KIF1B: variants seen among roughly 807,000 people sequenced by gnomAD.
KIF1B encodes kinesin-like protein KIF1B.
In KIF1B, 76 loss-of-function variants were observed where a neutral mutation model predicts 241.9. That is an observed-to-expected ratio of 0.31 (90% CI 0.26 to 0.38). KIF1B has a LOEUF of 0.38. Among genes scored for constraint, KIF1B ranks in the 10% least tolerant of loss-of-function variants. KIF1B has a pLI of 1.00. For synonymous variants in KIF1B, 750 were observed against 796.7 expected (o/e 0.94, Z 0.99); for missense variants, 1,622 against 2,271.4 (o/e 0.71, Z 5.81).
chr1:10,379,694 G>A lies in KIF1B; in HGVS notation c.*3107G>A, dbSNP rs1019184745. The A allele has an allele frequency of 4.3e-6, 1 of 231,244 alleles. No individual in the cohort carries two copies. The highest frequency in any genetic ancestry group is 8.6e-6 in the Non-Finnish European group (1 of 116,798). The allele number at this position is 231,244 out of a possible 1,614,324, so 14.3% of individuals were successfully genotyped here. On this transcript the variant is annotated 3_prime_UTR_variant, in exon 49 of 49. Transcript: ENST00000676179. ...GGCAAATTCAGAGAAATAAGTGCTAGTTAATACTAATCACCTCCTCCTCTG... is the reference window on the plus strand; with the variant it reads ...GGCAAATTCAGAGAAATAAGTGCTAATTAATACTAATCACCTCCTCCTCTG...
chr1:10,278,017 A>G lies in KIF1B; in HGVS notation c.1069A>G (p.Asn357Asp), dbSNP rs770156899. ...AGATCGTGCAAAACAAATTAAATGC[A>G]ATGCTGTTATCAATGAGGACCCCAA... ...YADRAKQIKC[N>D]AVINEDPNAK... Residue 357 changes from asparagine (N) to aspartate (D), a missense_variant, in exon 13 of 49, where the codon AAT (asparagine) becomes GAT (aspartate). By Grantham distance (23) the Asn-to-Asp change is conservative (BLOSUM62 1). This residue lies in a region of KIF1B where 201 missense variants were observed against 301.2 expected (regional missense o/e 0.67). Coordinates refer to ENST00000676179, the MANE Select transcript of KIF1B (RefSeq NM_001365951.3). The G allele has an allele frequency of 5.0e-6, 8 of 1,614,066 alleles. No homozygotes were observed. The highest frequency in any genetic ancestry group is 6.8e-6 in the Non-Finnish European group (8 of 1,179,942).
chr1:10,354,813 A>G (rs1393529205), intron 38 of KIF1B, among the ~76,000 whole-genome samples: 3 of 152,244 alleles, frequency 2.0e-5, no homozygotes, highest in African/African-American at 7.2e-5. Flanking sequence ...TTTTAGGGAT[A>G]TGGAAAACAT....
rs772560720 is a variant in KIF1B at position 10,326,002 on chromosome 1, T to A, written c.2676-109T>A. The A allele has an allele frequency of 2.1e-6, 3 of 1,405,444 alleles. No homozygotes were observed. The highest frequency in any genetic ancestry group is 2.0e-6 in the Non-Finnish European group (2 of 999,820). The allele number at this position is 1,405,444 out of a possible 1,614,324, so 87.1% of individuals were successfully genotyped here. On this transcript the variant is annotated intron_variant, in intron 26 of 48. Transcript: ENST00000676179. The surrounding 1 kb of genome is among the most constrained non-coding windows in gnomAD (Gnocchi z 5.2). ...CTTTTGCTTTTCCATTTGCTTTTATTGTGTTGATTCCCCAGTGGATTCTGT... is the reference window on the plus strand; with the variant it reads ...CTTTTGCTTTTCCATTTGCTTTTATAGTGTTGATTCCCCAGTGGATTCTGT...
chr1:10,216,354 G>A (rs577163450), intron 1 of KIF1B, among the ~76,000 whole-genome samples: 65 of 152,282 alleles, frequency 4.3e-4, no homozygotes, highest in African/African-American at 1.5e-3. Flanking sequence ...ATCACTTTAT[G>A]TGTGTTCTCC....
intron 15 of KIF1B, among the ~76,000 whole-genome samples, chr1:10,288,717 T>A (rs1435149203): frequency 3.3e-5 from 5 of 152,338 alleles, no homozygotes; most frequent in South Asian, 4.1e-4. Context: ...CTCTTTTTTT[T>A]AAATTTTATT....
At chr1:10,248,653 G>C (rs1290309502) in intron 2 of KIF1B, among the ~76,000 whole-genome samples, 1 of 152,204 alleles carries the variant, frequency 6.6e-6, no homozygotes, top group Non-Finnish European at 1.5e-5. Flanking sequence ...CAAACATGCT[G>C]CCGTGGTTGA....
At chr1:10,216,834 CT>C (rs1646772994) in intron 1 of KIF1B, among the ~76,000 whole-genome samples, 1 of 151,986 alleles carries the variant, frequency 6.6e-6, no homozygotes, top group Non-Finnish European at 1.5e-5. Context: ...TTCTTCTGTT[CT>C]TTCCCCCAGT....
intron 1 of KIF1B, among the ~76,000 whole-genome samples, chr1:10,215,159 TATATA>T (rs1646748006): frequency 1.0e-4 from 7 of 70,308 alleles, no homozygotes; most frequent in African/African-American, 2.7e-4. Flanking sequence ...TATATATATA[TATATA>T]TATATATATT....
At chr1:10,328,541 G>C (rs75543626) in intron 27 of KIF1B, among the ~76,000 whole-genome samples, 2,499 of 152,298 alleles carry the variant, frequency 0.016, 59 homozygotes, top group African/African-American at 0.056. Context: ...ACAAATAATG[G>C]GACAATAATG....
chr1:10,251,310 C>T (rs189914284), intron 2 of KIF1B, among the ~76,000 whole-genome samples: 1 of 148,802 alleles, frequency 6.7e-6, no homozygotes, highest in Non-Finnish European at 1.5e-5. Flanking sequence ...GAAGTTAACT[C>T]ATTGGTGTAG....
At chr1:10,308,795 AT>A (rs1324878816) in intron 22 of KIF1B, among the ~76,000 whole-genome samples, 1 of 152,254 alleles carries the variant, frequency 6.6e-6, no homozygotes, top group East Asian at 1.9e-4. Context: ...ACAAAATTCT[AT>A]CTTAAGTGAG....
chr1:10,236,240 C>G (rs1647049699), intron 2 of KIF1B, among the ~76,000 whole-genome samples: 1 of 151,926 alleles, frequency 6.6e-6, no homozygotes, highest in South Asian at 2.1e-4. Flanking sequence ...CCACTGCACT[C>G]CAGCCTGAGT....
chr1:10,258,920 C>A (rs148170579), intron 4 of KIF1B, among the ~76,000 whole-genome samples: 17 of 152,216 alleles, frequency 1.1e-4, no homozygotes, highest in African/African-American at 4.1e-4. Flanking sequence ...ATATCCAATG[C>A]CATATTATTT....
chr1:10,337,030 T>C lies in KIF1B; in HGVS notation c.3130-44T>C. ...GTAAGGCAACTGGGGAAAAATACGT[T>C]TTTATACTACTTTACCATGTATCTG... is the stretch of plus-strand genomic sequence containing the variant. On this transcript the variant is annotated intron_variant, in intron 29 of 48. Transcript: ENST00000676179. This position sits in a 1 kb window ranked among gnomAD's most constrained non-coding sequence, Gnocchi z 4.0. The C allele has an allele frequency of 1.2e-6, 2 of 1,613,598 alleles. No homozygotes were observed. Among genetic ancestry groups the C allele is most frequent in the Non-Finnish European group, 8.5e-7 (1 of 1,179,804 alleles).
intron 38 of KIF1B, among the ~76,000 whole-genome samples, chr1:10,354,119 C>T (rs1287855033): frequency 6.6e-6 from 1 of 152,102 alleles, no homozygotes; most frequent in Non-Finnish European, 1.5e-5. Flanking sequence ...TCAGGTGCTA[C>T]AAGAAATGAA....
chr1:10,264,248 G>C (rs1008666687), intron 5 of KIF1B, among the ~76,000 whole-genome samples: 23 of 152,126 alleles, frequency 1.5e-4, no homozygotes, highest in African/African-American at 5.6e-4. Flanking sequence ...AGCTCACTGG[G>C]GCAGGGTTCT....
Position 10,321,693 on chromosome 1 carries a change from T to A in KIF1B, c.2210-16T>A, listed in dbSNP as rs1160526245. The stretch of plus-strand genomic sequence containing the variant: ...TTGTAAGATTGCCATTAAATATGCA[T>A]CATTCATTCTTTCAGTTCCTTGGAC... On this transcript the variant is annotated splice_polypyrimidine_tract_variant and intron_variant, in intron 23 of 48. Coordinates refer to ENST00000676179, the MANE Select transcript of KIF1B (RefSeq NM_001365951.3). The A allele has an allele frequency of 1.9e-6, 3 of 1,612,972 alleles. No homozygotes were observed. The highest frequency in any genetic ancestry group is 2.5e-6 in the Non-Finnish European group (3 of 1,179,034).
chr1:10,313,596 G>GCCGGA (rs1202390097), intron 22 of KIF1B, among the ~76,000 whole-genome samples: 1 of 141,650 alleles, frequency 7.1e-6, no homozygotes, highest in Non-Finnish European at 1.5e-5. Context: ...TGTCGCCCAG[G>GCCGGA]CTGGAGTGCA....
chr1:10,324,029 G>A lies in KIF1B; in HGVS notation c.2504G>A (p.Gly835Glu), dbSNP rs2102299042. Residue 835 changes from glycine to glutamate, a missense_variant, in exon 25 of 49, where the codon GGA becomes GAA. Physicochemically the swap from Gly to Glu is moderately conservative, Grantham distance 98 (BLOSUM62 -2). Coordinates refer to ENST00000676179, the MANE Select transcript of KIF1B (RefSeq NM_001365951.3). ...VAVEVQDLKN[G>E]ATHYWSLEKL... The stretch of plus-strand genomic sequence containing the variant: ...GTAGAAGTCCAGGATTTGAAGAATG[G>A]AGCAACACACTATTGGTCTTTGGAG... The A allele has an allele frequency of 6.2e-7, 1 of 1,614,148 alleles. No homozygotes were observed. The highest frequency in any genetic ancestry group is 8.5e-7 in the Non-Finnish European group (1 of 1,180,028).
Sources: gnomAD v4.1 joint callset for allele counts (sites outside exome capture counted in the v4.1 genomes callset) on GRCh38, gnomAD v4.1.1 for gene constraint, gnomAD v4.1.1 regional missense constraint, Gnocchi (gnomAD v3.1) non-coding constraint, MANE v1.5 for transcripts, NCBI Gene and HGNC (gene_info 2026-07-23, HGNC 2026-07-21) for gene names.